The following CCDC149 variants were observed in gnomAD, a reference collection of about 807,000 sequenced individuals.
CCDC149 encodes the protein coiled-coil domain containing 149.
A neutral mutation model predicts 59.9 loss-of-function variants in CCDC149; 45 were observed. That is an observed-to-expected ratio of 0.75 (90% CI 0.59 to 0.96). The LOEUF is 0.96. CCDC149 is among the 40% of genes least tolerant of loss of function. The pLI, the probability that CCDC149 is intolerant of heterozygous loss-of-function variation, is 0.00. For synonymous variants in CCDC149, 245 were observed against 260.6 expected (o/e 0.94, Z 0.58); for missense variants, 584 against 664.7 (o/e 0.88, Z 1.33).
At chr4:24,932,577 G>A (rs142301925) in intron 1 of CCDC149, among the ~76,000 whole-genome samples, 1 of 152,304 alleles carries the variant, frequency 6.6e-6, no homozygotes, top group Non-Finnish European at 1.5e-5. Flanking sequence ...CTTCTTTTGA[G>A]TCCTCAAACT....
intron 1 of CCDC149, among the ~76,000 whole-genome samples, chr4:24,931,849 A>G (rs901307450): frequency 6.9e-6 from 1 of 143,990 alleles, no homozygotes; most frequent in African/African-American, 2.6e-5. Flanking sequence ...ATATATATAT[A>G]TATGCATAAT....
intron 1 of CCDC149, among the ~76,000 whole-genome samples, chr4:24,935,062 G>A (rs1366861679): frequency 1.3e-5 from 2 of 152,202 alleles, no homozygotes; most frequent in South Asian, 2.1e-4. Flanking sequence ...GGATAGGTGG[G>A]ATGAGGGAGA....
At chr4:24,852,408 AATCTTGGCAAAACAGGAAATG>A (rs1717722731) in intron 4 of CCDC149, among the ~76,000 whole-genome samples, 2 of 151,956 alleles carry the variant, frequency 1.3e-5, no homozygotes. Context: ...GAAATGAATC[AATCTTGGCAAAACAGGAAATG>A]ATTTGGGAGG....
At chr4:24,846,990 T>C (rs1489533441) in intron 4 of CCDC149, among the ~76,000 whole-genome samples, 1 of 152,248 alleles carries the variant, frequency 6.6e-6, no homozygotes, top group Non-Finnish European at 1.5e-5. Flanking sequence ...TAGGTGCTTA[T>C]TCCACAAGGA....
At chr4:24,848,922 T>G (rs1180627270) in intron 4 of CCDC149, among the ~76,000 whole-genome samples, 1 of 152,192 alleles carries the variant, frequency 6.6e-6, no homozygotes. Context: ...GGGCTCTGAT[T>G]GATGGCAACC....
chr4:24,808,864 A>G, intron 12 of CCDC149, 45 bp from the exon 13 acceptor site: 2 of 1,478,146 alleles, frequency 1.4e-6, no homozygotes, highest in African/African-American at 2.8e-5. Context: ...GCAGCAAATC[A>G]GCCCTCACCG....
intron 4 of CCDC149, among the ~76,000 whole-genome samples, chr4:24,842,203 A>G (rs1253752001): frequency 6.6e-6 from 1 of 152,236 alleles, no homozygotes; most frequent in African/African-American, 2.4e-5. Flanking sequence ...GATACTTAGC[A>G]CAGGCCCTGG....
At chr4:24,834,712 A>G (rs1484927190) in intron 8 of CCDC149, among the ~76,000 whole-genome samples, 3 of 152,220 alleles carry the variant, frequency 2.0e-5, no homozygotes, top group South Asian at 4.1e-4. Context: ...TTAGAAATAC[A>G]TAATTTTCAA....
At chr4:24,951,363 T>C (rs1723286682) in intron 1 of CCDC149, among the ~76,000 whole-genome samples, 1 of 152,210 alleles carries the variant, frequency 6.6e-6, no homozygotes, top group African/African-American at 2.4e-5. Flanking sequence ...TAGGAGTCGA[T>C]TTTAAACAGC....
rs1027523282 is a variant in CCDC149 at position 24,837,141 on chromosome 4, T to G, written c.662+87A>C. 1 of 1,309,348 alleles carries G rather than the reference T, an allele frequency of 7.6e-7. No homozygotes were observed. The highest frequency in any genetic ancestry group is 1.5e-5 in the African/African-American group (1 of 67,244). The allele number at this position is 1,309,348 out of a possible 1,614,324, so 81.1% of individuals were successfully genotyped here. ...ACTTGTAAGGCAATTTTCTCCAAAA[T>G]AAATAGGGCTGCAAATAACTCCCAG... is the stretch of plus-strand genomic sequence containing the variant. On this transcript the variant is annotated intron_variant, in intron 6 of 12. Transcript: ENST00000635206. This position sits in a 1 kb window ranked among gnomAD's most constrained non-coding sequence, Gnocchi z 4.3.
At chr4:24,866,364 G>A (rs1467630444) in intron 3 of CCDC149, among the ~76,000 whole-genome samples, 1 of 152,138 alleles carries the variant, frequency 6.6e-6, no homozygotes, top group Non-Finnish European at 1.5e-5. Context: ...TATTCAAGGA[G>A]TTTTCACCGG....
At chr4:24,935,268 G>A (rs1174877729) in intron 1 of CCDC149, among the ~76,000 whole-genome samples, 1 of 152,150 alleles carries the variant, frequency 6.6e-6, no homozygotes, top group Non-Finnish European at 1.5e-5. Flanking sequence ...CTTAGGACTA[G>A]ACAACCGTGT....
At position 24,817,361 on chromosome 4, in the gene CCDC149, CT is replaced by C. The variant is rs1715083554; in HGVS notation, c.1192+2497del. Among the ~76,000 whole-genome samples the C allele has an allele frequency of 2.0e-5, 3 of 152,264 alleles. No homozygotes were observed. In the South Asian group the frequency reaches 6.2e-4, roughly 32 times the overall value. On this transcript the variant is annotated intron_variant, in intron 12 of 12. Transcript: ENST00000635206. ...GGCTGGCTGCAAAGACCCAGCCTTG[CT>C]TTCTGGCTGGTGTGGAACCAATTAA...
chr4:24,827,636 G>T (rs936687779), intron 9 of CCDC149: 4 of 152,190 alleles, frequency 2.6e-5, no homozygotes, highest in African/African-American at 9.7e-5. Context: ...GTTCTTTCTC[G>T]ATCACCAGGC....
intron 4 of CCDC149, among the ~76,000 whole-genome samples, chr4:24,850,893 A>C (rs977959332): frequency 1.3e-5 from 2 of 152,080 alleles, no homozygotes; most frequent in Non-Finnish European, 2.9e-5. Context: ...TGAGCCTGAA[A>C]ATAAACCAGC....
At chr4:24,947,507 C>T (rs368014900) in intron 1 of CCDC149, among the ~76,000 whole-genome samples, 1 of 152,084 alleles carries the variant, frequency 6.6e-6, no homozygotes, top group Non-Finnish European at 1.5e-5. Flanking sequence ...AGTGTGAGAA[C>T]GGACTAATAC....
upstream of CCDC149, among the ~76,000 whole-genome samples, chr4:24,917,475 G>A (rs1423367162): frequency 1.3e-5 from 2 of 152,172 alleles, no homozygotes; most frequent in South Asian, 2.1e-4. Context: ...AGGTGGGGAG[G>A]AGCAGAGGTG....
intron 12 of CCDC149, among the ~76,000 whole-genome samples, chr4:24,813,934 A>G (rs1475803643): frequency 2.6e-5 from 4 of 152,238 alleles, no homozygotes; most frequent in Non-Finnish European, 4.4e-5. Flanking sequence ...AAACATCAGT[A>G]TCAACAGGGA....
chr4:24,910,722 A>G (rs1028284480), intron 1 of CCDC149, among the ~76,000 whole-genome samples: 1 of 152,196 alleles, frequency 6.6e-6, no homozygotes, highest in African/African-American at 2.4e-5. Context: ...AGCAAGGCTC[A>G]AGCAATGAGT....
Sources: gnomAD v4.1 joint callset for allele counts (sites outside exome capture counted in the v4.1 genomes callset) on GRCh38, gnomAD v4.1.1 for gene constraint, Gnocchi (gnomAD v3.1) non-coding constraint, MANE v1.5 for transcripts, NCBI Gene and HGNC (gene_info 2026-07-23, HGNC 2026-07-21) for gene names.